Variants in RORA observed in about 807,000 individuals in gnomAD.
RORA encodes RAR related orphan receptor A, also known as nuclear receptor ROR-alpha.
A neutral mutation model predicts 69.5 loss-of-function variants in RORA; 7 were observed. The ratio of observed to expected loss-of-function variants is 0.10; its 90% confidence interval spans 0.06 to 0.19. The LOEUF (loss-of-function observed/expected upper bound fraction) is 0.19. Ranked by LOEUF, RORA falls within the 10% of genes least tolerant of loss-of-function variation. The pLI is 1.00. For missense variants in RORA, 457 were observed against 663.0 expected, an observed-to-expected ratio of 0.69 and a Z score of 3.41; for synonymous variants, 261 against 240.8, an observed-to-expected ratio of 1.08 and a Z score of -0.78.
intron 1 of RORA, among the ~76,000 whole-genome samples, chr15:60,737,218 G>A (rs2071513249): frequency 6.6e-6 from 1 of 152,192 alleles, no homozygotes; most frequent in African/African-American, 2.4e-5. Context: ...CTGTTGGACG[G>A]TCTCGTGGTC....
At position 60,511,555 on chromosome 15, in the gene RORA, C is replaced by T. The variant is rs201102364; in HGVS notation, c.491G>A (p.Arg164Gln). 118 of 1,614,088 alleles carry T rather than the reference C, an allele frequency of 7.3e-5. No homozygotes were observed. Among genetic ancestry groups the T allele is most frequent in the Non-Finnish European group, 9.3e-5 (110 of 1,179,988 alleles). ...GTGGTCGCGCTGCTGCTGCTGCATC[C>T]GGTGTTTCTGTACTTCTGCATACAA... ...DSLYAEVQKH[R>Q]MQQQQRDHQQ... Residue 164 changes from arginine to glutamine, a missense_variant, in exon 5 of 11, where the codon CGG (arginine) becomes CAG (glutamine). By Grantham distance (43) the Arg-to-Gln change is conservative. Around this residue, in one of 3 missense-constraint regions of RORA, gnomAD observed 304 missense variants for 447.4 expected, o/e 0.68. Transcript: ENST00000335670. This position sits in a 1 kb window ranked among gnomAD's most constrained non-coding sequence, Gnocchi z 6.4.
chr15:60,813,302 G>C (rs2072768521), intron 1 of RORA, among the ~76,000 whole-genome samples: 1 of 152,198 alleles, frequency 6.6e-6, no homozygotes. Flanking sequence ...TCGCTTTGTG[G>C]AGTTCTATCT....
chr15:60,609,725 T>A (rs910700249), intron 2 of RORA, among the ~76,000 whole-genome samples: 4 of 152,288 alleles, frequency 2.6e-5, no homozygotes, highest in Non-Finnish European at 5.9e-5. Context: ...ACCAAAGTGG[T>A]TGCCCAAAGA....
At chr15:61,004,919 A>G (rs1425973847) in intron 1 of RORA, among the ~76,000 whole-genome samples, 1 of 152,254 alleles carries the variant, frequency 6.6e-6, no homozygotes, top group Non-Finnish European at 1.5e-5. Flanking sequence ...ATGAAGGTTT[A>G]TGCAGACAGG....
rs1211188703 is a variant in RORA at position 60,488,460 on chromosome 15, A to G, written c.*8995T>C. ...TGGAGTATTTAAAAGACAACATTAA[A>G]TCTCTCTTTTTTGTACAGCTTGTAT... On this transcript the variant is annotated 3_prime_UTR_variant, in exon 11 of 11. Transcript: ENST00000335670. The G allele has an allele frequency of 6.6e-6, 1 of 152,180 alleles. No homozygotes were observed. Among genetic ancestry groups the G allele is most frequent in the Admixed American group, 6.5e-5 (1 of 15,276 alleles). The allele number at this position is 152,180 out of a possible 1,614,324, so 9.4% of individuals were successfully genotyped here.
intron 1 of RORA, among the ~76,000 whole-genome samples, chr15:60,802,621 G>A (rs758413611): frequency 3.9e-5 from 6 of 152,140 alleles, no homozygotes; most frequent in African/African-American, 1.2e-4. Flanking sequence ...ATGTGTATAC[G>A]TGGGGTGTAT....
intron 2 of RORA, among the ~76,000 whole-genome samples, chr15:60,634,602 A>C (rs1188246993): frequency 2.0e-5 from 3 of 151,810 alleles, no homozygotes; most frequent in Non-Finnish European, 4.4e-5. Flanking sequence ...ACAGGGTTTC[A>C]CCATGTTGGC....
At chr15:60,603,437 A>G (rs2113943) in intron 2 of RORA, among the ~76,000 whole-genome samples, 63,609 of 152,028 alleles carry the variant, frequency 0.42, 13,462 homozygotes, top group African/African-American at 0.48. Flanking sequence ...GTGTTGTTGA[A>G]TATTTATCCA....
chr15:60,644,931 C>G (rs1394127367), intron 2 of RORA, among the ~76,000 whole-genome samples: 1 of 152,108 alleles, frequency 6.6e-6, no homozygotes, highest in Non-Finnish European at 1.5e-5. Context: ...GCCAGAATTA[C>G]AGTATAGTAA....
intron 1 of RORA, among the ~76,000 whole-genome samples, chr15:60,742,728 T>C (rs116126773): frequency 0.03 from 4,493 of 152,298 alleles, 154 homozygotes; most frequent in African/African-American, 0.079. Context: ...GATCATGTAG[T>C]ATTTGTCTTT....
chr15:61,049,308 T>G (rs978643109), intron 1 of RORA, among the ~76,000 whole-genome samples: 1 of 152,016 alleles, frequency 6.6e-6, no homozygotes, highest in African/African-American at 2.4e-5. Context: ...CATGGTGATA[T>G]CCCCCCGTCT....
chr15:61,162,103 G>T (rs1258563637), intron 1 of RORA, among the ~76,000 whole-genome samples: 3 of 152,008 alleles, frequency 2.0e-5, no homozygotes, highest in South Asian at 4.1e-4. Flanking sequence ...ATCTACTTTT[G>T]CCTACAGTCA....
chr15:60,724,954 G>T (rs2071338596), intron 1 of RORA, among the ~76,000 whole-genome samples: 1 of 152,170 alleles, frequency 6.6e-6, no homozygotes, highest in African/African-American at 2.4e-5. Context: ...ATCTGCCTAT[G>T]TTTGGTGAGT....
intron 1 of RORA, among the ~76,000 whole-genome samples, chr15:61,208,711 G>A (rs1346198929): frequency 6.6e-6 from 1 of 152,192 alleles, no homozygotes; most frequent in Admixed American, 6.5e-5. Flanking sequence ...GTCTCAGGGT[G>A]AAAGCCATTT....
intron 2 of RORA, among the ~76,000 whole-genome samples, chr15:60,591,507 C>CCCCCT (rs1332799033): frequency 2.0e-5 from 3 of 152,232 alleles, no homozygotes; most frequent in Non-Finnish European, 4.4e-5. Flanking sequence ...CCAACCAAAT[C>CCCCCT]CCCCTCCCCT....
intron 1 of RORA, among the ~76,000 whole-genome samples, chr15:60,939,801 C>G (rs759317864): frequency 6.6e-6 from 1 of 152,208 alleles, no homozygotes. Context: ...GGGACAGTGC[C>G]GTTCACTGGA....
intron 1 of RORA, among the ~76,000 whole-genome samples, chr15:60,919,507 T>C (rs900997915): frequency 1.3e-5 from 2 of 152,218 alleles, no homozygotes; most frequent in Non-Finnish European, 2.9e-5. Flanking sequence ...AGATAATACC[T>C]ATATAGGGAG....
chr15:60,870,796 T>G (rs2073547016), intron 1 of RORA, among the ~76,000 whole-genome samples: 1 of 152,244 alleles, frequency 6.6e-6, no homozygotes, highest in Non-Finnish European at 1.5e-5. Flanking sequence ...TATGGGTCAC[T>G]TATAGAGTTG....
At chr15:60,997,940 C>T (rs1894611813) in intron 1 of RORA, among the ~76,000 whole-genome samples, 1 of 152,180 alleles carries the variant, frequency 6.6e-6, no homozygotes, top group Middle Eastern at 3.2e-3. Flanking sequence ...TTTATGTCTT[C>T]AACACATTGT....
Sources: allele counts gnomAD v4.1 joint callset (sites outside exome capture counted in the v4.1 genomes callset), GRCh38; gene constraint gnomAD v4.1.1; regional missense constraint gnomAD v4.1.1; non-coding constraint Gnocchi (gnomAD v3.1); transcripts MANE v1.5; gene names NCBI Gene and HGNC (gene_info 2026-07-23, HGNC 2026-07-21).